SYNPO: variants seen among roughly 807,000 people sequenced by gnomAD.
SYNPO encodes the protein synaptopodin.
Under a neutral mutation model 49.5 loss-of-function variants are expected in SYNPO, and 19 were observed. The ratio of observed to expected loss-of-function variants is 0.38; its 90% CI spans 0.27 to 0.56. The LOEUF (loss-of-function observed/expected upper bound fraction) is 0.56, where lower values mean the gene tolerates loss of function less well. Among genes scored for constraint, SYNPO ranks in the 20% least tolerant of loss-of-function variants. SYNPO has a pLI of 0.68. For missense variants in SYNPO, 1,131 were observed against 1,248.3 expected (o/e 0.91, Z 1.42); for synonymous variants, 536 against 548.0 (o/e 0.98, Z 0.31).
chr5:150,650,153 C>T lies in SYNPO; in HGVS notation c.1878C>T (p.Ser626=). 2 of 1,613,900 alleles carry T rather than the reference C, an allele frequency of 1.2e-6. No individual in the cohort carries two copies. The highest frequency in any genetic ancestry group is 1.7e-6 in the Non-Finnish European group (2 of 1,179,978). ...PSRSSPGLYT[S]PGQDSLQPTA... ...GCTCCTCACCGGGCCTCTACACCTCCCCCGGCCAGGACAGCCTGCAGCCCA... is the reference window on the plus strand; with the variant it reads ...GCTCCTCACCGGGCCTCTACACCTCTCCCGGCCAGGACAGCCTGCAGCCCA... The change falls in exon 2 of 3, where the codon TCC becomes TCT. Residue 626 remains serine (S), a synonymous_variant. Coordinates refer to ENST00000307662, the MANE Select transcript of SYNPO (RefSeq NM_007286.6).
Position 150,656,441 on chromosome 5 carries a change from C to T in SYNPO, c.2066C>T (p.Thr689Met). 4 of 1,531,956 alleles carry T rather than the reference C, an allele frequency of 2.6e-6. No individual in the cohort carries two copies. The highest frequency in any genetic ancestry group is 2.4e-5 in the South Asian group (2 of 83,646). The allele number at this position is 1,531,956 out of a possible 1,614,324, so 94.9% of individuals were successfully genotyped here. Reference protein sequence around the residue: ...RESLPTSPPWTPGASRPPSSL... With the variant: ...RESLPTSPPWMPGASRPPSSL... ...AGCCTGCCCACCTCCCCACCCTGGA[C>T]GCCGGGCGCGTCCCGGCCCCCCAGC... Residue 689 changes from threonine to methionine, a missense_variant, in exon 3 of 3, where the codon ACG becomes ATG. Coordinates refer to ENST00000307662, the MANE Select transcript of SYNPO (RefSeq NM_007286.6).
At chr5:150,618,589 G>T (rs1357369420) in exon 2 of SYNPO, 1 of 1,551,244 alleles carries the variant, frequency 6.4e-7, no homozygotes, top group Non-Finnish European at 8.7e-7. Flanking sequence ...GAGTCACCCA[G>T]GGGACACCGC....
chr5:150,617,943 C>T (rs1316871356), intron 1 of SYNPO, among the ~76,000 whole-genome samples: 1 of 152,206 alleles, frequency 6.6e-6, no homozygotes, highest in Non-Finnish European at 1.5e-5. Context: ...TGTTAAATGA[C>T]TGGAGCTTTC....
the SYNPO span, among the ~76,000 whole-genome samples, chr5:150,588,068 G>A: frequency 5.9e-5 from 9 of 152,192 alleles, no homozygotes; most frequent in African/African-American, 1.9e-4. Context: ...TTTACAATGA[G>A]TCAGTGTACA....
chr5:150,650,456 C>G, intron 2 of SYNPO, 153 bp downstream of exon 2: 1 of 1,523,780 alleles, frequency 6.6e-7, no homozygotes, highest in Non-Finnish European at 8.8e-7. Flanking sequence ...GGTTCAAGGT[C>G]AGATGCGGCC....
chr5:150,636,087 G>A (rs933407821), upstream of SYNPO, among the ~76,000 whole-genome samples: 3 of 152,002 alleles, frequency 2.0e-5, no homozygotes, highest in East Asian at 3.9e-4. Context: ...TCCCTTACCC[G>A]AATGCAAGCA....
intron 2 of SYNPO, 47 bp from the exon 3 acceptor site, chr5:150,656,357 A>C (rs985940762): frequency 1.9e-5 from 27 of 1,416,648 alleles, no homozygotes; most frequent in East Asian, 2.7e-5. Flanking sequence ...CCGGTGTGGA[A>C]GACCTCAGCA....
At chr5:150,602,817 A>T (rs1756580091) in intron 1 of SYNPO, among the ~76,000 whole-genome samples, 1 of 152,098 alleles carries the variant, frequency 6.6e-6, no homozygotes, top group African/African-American at 2.4e-5. Context: ...CTGGGATTAC[A>T]GACATGAGCC....
chr5:150,649,539 G>A lies in SYNPO; in HGVS notation c.1264G>A (p.Ala422Thr), dbSNP rs767840849. The change falls in exon 2 of 3, where the codon GCA becomes ACA. Residue 422 changes from alanine (A) to threonine (T), a missense_variant. Physicochemically the swap from Ala to Thr is moderately conservative, Grantham distance 58. This residue lies in a region of SYNPO where 602 missense variants were observed against 720.7 expected (regional missense o/e 0.84). Transcript: ENST00000307662. ...GGTAGGCGTGGAGGAGGAGCCCTTCGCACTGGGGGCCGAGGCCTCCAACTT... is the reference window on the plus strand; with the variant it reads ...GGTAGGCGTGGAGGAGGAGCCCTTCACACTGGGGGCCGAGGCCTCCAACTT... ...GEVGVEEEPF[A>T]LGAEASNFQQ... The A allele has an allele frequency of 5.6e-6, 9 of 1,610,352 alleles. No individual in the cohort carries two copies. Among genetic ancestry groups the A allele is most frequent in the Admixed American group, 1.7e-5 (1 of 59,502 alleles).
At chr5:150,598,429 G>A (rs772798131), upstream of SYNPO, among the ~76,000 whole-genome samples, 6 of 152,312 alleles carry the variant, frequency 3.9e-5, no homozygotes, top group East Asian at 7.7e-4. Flanking sequence ...TTAAATACCC[G>A]CACTGCCACG....
chr5:150,654,872 T>C (rs141756873), intron 2 of SYNPO, among the ~76,000 whole-genome samples: 293 of 152,330 alleles, frequency 1.9e-3, no homozygotes, highest in African/African-American at 6.5e-3. Flanking sequence ...ACGCCTGTAA[T>C]CCCAGCACTT....
intron 2 of SYNPO, among the ~76,000 whole-genome samples, chr5:150,631,255 C>T (rs184507069): frequency 6.6e-6 from 1 of 152,324 alleles, no homozygotes; most frequent in African/African-American, 2.4e-5. Context: ...GAAAACAAAT[C>T]CTTATGGAAT....
the SYNPO span, among the ~76,000 whole-genome samples, chr5:150,590,879 C>G: frequency 6.6e-6 from 1 of 152,190 alleles, no homozygotes; most frequent in Non-Finnish European, 1.5e-5. Flanking sequence ...GCAGCATAGA[C>G]TTGCTGCTAT....
Position 150,640,806 on chromosome 5 carries a change from C to T in SYNPO, c.-381C>T, listed in dbSNP as rs780078363. On this transcript the variant is annotated 5_prime_UTR_variant, in exon 1 of 3. Coordinates refer to ENST00000307662, the MANE Select transcript of SYNPO (RefSeq NM_007286.6). ...GCTTTGAGAACCAAGGCTTGAAGGC[C>T]GGCAGGAGCATCCAGGGGGAAGCTT... The T allele has an allele frequency of 3.3e-4, 326 of 985,438 alleles. 1 individual carries two copies. The highest frequency in any genetic ancestry group is 3.8e-4 in the Non-Finnish European group (312 of 829,942). The allele number at this position is 985,438 out of a possible 1,614,324, so 61.0% of individuals were successfully genotyped here.
Position 150,648,244 on chromosome 5 carries a change from A to C in SYNPO, c.-32A>C, listed in dbSNP as rs1758181305. ...GGCCCTCCACGGCACCCCAGTCCCC[A>C]GAGCCCCGACAGAGGGGTCCCTGGC... On this transcript the variant is annotated 5_prime_UTR_variant, in exon 2 of 3. Coordinates refer to ENST00000307662, the MANE Select transcript of SYNPO (RefSeq NM_007286.6). The surrounding 1 kb of genome is among the most constrained non-coding windows in gnomAD (Gnocchi z 5.0). The C allele has an allele frequency of 6.2e-7, 1 of 1,613,494 alleles. No homozygotes were observed. Among genetic ancestry groups the C allele is most frequent in the Admixed American group, 1.7e-5 (1 of 59,870 alleles).
chr5:150,650,820 T>C, intron 2 of SYNPO: 1 of 1,279,572 alleles, frequency 7.8e-7, no homozygotes, highest in African/African-American at 1.5e-5. Context: ...CCTGGCGTCT[T>C]TCTTCCTGTT....
chr5:150,650,365 GTTCCCC>G lies in SYNPO; in HGVS notation c.2028+64_2028+69del, dbSNP rs779133995. 8 of 1,608,364 alleles carry G rather than the reference GTTCCCC, an allele frequency of 5.0e-6. No individual in the cohort carries two copies. In the East Asian group the frequency reaches 1.8e-4, roughly 36 times the overall value. On this transcript the variant is annotated intron_variant, in intron 2 of 2. Coordinates refer to ENST00000307662, the MANE Select transcript of SYNPO (RefSeq NM_007286.6). ...CCACGGGGGTCCCACTGCCGGTCAA[GTTCCCC>G]TCCTTGAGGGCCAGATGGAGAGCAG...
chr5:150,592,335 C>G, the SYNPO span, among the ~76,000 whole-genome samples: 1 of 152,118 alleles, frequency 6.6e-6, no homozygotes, highest in Non-Finnish European at 1.5e-5. Context: ...TTCAAATTAA[C>G]TGGGTCTCCT....
chr5:150,649,253 C>T lies in SYNPO; in HGVS notation c.978C>T (p.Ser326=), dbSNP rs780186565. The T allele has an allele frequency of 3.1e-6, 5 of 1,614,200 alleles. No individual in the cohort carries two copies. In the South Asian group the frequency reaches 5.5e-5, roughly 18 times the overall value. The change falls in exon 2 of 3, where the codon TCC becomes TCT. Residue 326 remains serine (S), a synonymous_variant. Coordinates refer to ENST00000307662, the MANE Select transcript of SYNPO (RefSeq NM_007286.6). ...CCCCCACCTACACTGAGACCTTGTC[C>T]ACAGCCCCTCTGGCTTCCTGGGTGA... The part of the protein sequence containing the change: ...TAPPTYTETL[S]TAPLASWVRS...
Sources: allele counts gnomAD v4.1 joint callset (sites outside exome capture counted in the v4.1 genomes callset), GRCh38; gene constraint gnomAD v4.1.1; regional missense constraint gnomAD v4.1.1; non-coding constraint Gnocchi (gnomAD v3.1); transcripts MANE v1.5; gene names NCBI Gene and HGNC (gene_info 2026-07-23, HGNC 2026-07-21).